Variants in GOLT1B observed in about 807,000 individuals in gnomAD.
GOLT1B encodes the protein golgi transport 1B.
Under a neutral mutation model 15.4 loss-of-function variants are expected in GOLT1B, and 3 were observed. The observed-to-expected ratio is 0.19, with a 90% CI of 0.09 to 0.50. The LOEUF (loss-of-function observed/expected upper bound fraction) is 0.50. Among genes scored for constraint, GOLT1B ranks in the 20% least tolerant of loss-of-function variants. GOLT1B has a pLI of 0.97. For synonymous variants in GOLT1B, 65 were observed against 56.2 expected, an observed-to-expected ratio of 1.16 and a Z score of -0.70; for missense variants, 145 against 160.4, an observed-to-expected ratio of 0.90 and a Z score of 0.52.
chr12:21,502,476 A>G (rs1376463126), intron 1 of GOLT1B, among the ~76,000 whole-genome samples: 1 of 152,226 alleles, frequency 6.6e-6, no homozygotes, highest in Non-Finnish European at 1.5e-5. Context: ...TTTTGCCAGT[A>G]CTGTAAGCAA....
Position 21,501,858 on chromosome 12 carries a change from T to A in GOLT1B, c.-66T>A. ...CTGGGCTGTTTCCCGGCTTCATTTC[T>A]CCCGACTCAGCTTCCCACCCTGGGC... On this transcript the variant is annotated 5_prime_UTR_variant, in exon 1 of 5. Transcript: ENST00000229314. 8.6e-7 allele frequency: 1 copy of A among 1,158,866 alleles called. No individual in the cohort carries two copies. The highest frequency in any genetic ancestry group is 1.3e-6 in the Non-Finnish European group (1 of 769,328). The allele number at this position is 1,158,866 out of a possible 1,614,324, so 71.8% of individuals were successfully genotyped here.
chr12:21,503,426 G>A (rs1016154103), intron 1 of GOLT1B, among the ~76,000 whole-genome samples: 29 of 152,190 alleles, frequency 1.9e-4, no homozygotes, highest in Non-Finnish European at 4.0e-4. Flanking sequence ...TATCACCTAA[G>A]AAGACTTGAT....
At position 21,507,575 on chromosome 12, in the gene GOLT1B, G is replaced by A. The variant is rs1943688684; in HGVS notation, c.117+599G>A. Among the ~76,000 whole-genome samples, 3 of 151,590 alleles carry A rather than the reference G, an allele frequency of 2.0e-5. No individual in the cohort carries two copies. The South Asian group carries it at 6.2e-4, about 32-fold the overall frequency. ...ACATATATATTTGGGCTTTTAACTG[G>A]AAATGGGAAAAGATAAAGAATAGCA... On this transcript the variant is annotated intron_variant, in intron 2 of 4. Coordinates refer to ENST00000229314, the MANE Select transcript of GOLT1B (RefSeq NM_016072.5).
chr12:21,514,301 C>T (rs1238048652), intron 4 of GOLT1B, among the ~76,000 whole-genome samples: 1 of 152,144 alleles, frequency 6.6e-6, no homozygotes, highest in Non-Finnish European at 1.5e-5. Flanking sequence ...TAAAGTTGTT[C>T]ACAGATTTTT....
At chr12:21,515,273 C>G in intron 4 of GOLT1B, 1 of 1,412,630 alleles carries the variant, frequency 7.1e-7, no homozygotes, top group Admixed American at 2.0e-5. Flanking sequence ...CAGTAATGGT[C>G]AGTTGAAATA....
At chr12:21,515,028 G>A (rs1476809327) in intron 4 of GOLT1B, among the ~76,000 whole-genome samples, 1 of 150,684 alleles carries the variant, frequency 6.6e-6, no homozygotes. Context: ...TTTATGTTTG[G>A]GGTGGAGTAA....
chr12:21,514,536 T>C (rs554007262), intron 4 of GOLT1B, among the ~76,000 whole-genome samples: 1 of 152,298 alleles, frequency 6.6e-6, no homozygotes, highest in East Asian at 1.9e-4. Flanking sequence ...ACCTTAAAAT[T>C]CTAATAAATC....
At chr12:21,509,599 A>G (rs1423510144) in intron 3 of GOLT1B, among the ~76,000 whole-genome samples, 1 of 152,184 alleles carries the variant, frequency 6.6e-6, no homozygotes, top group Admixed American at 6.5e-5. Context: ...TAGACTCTAA[A>G]AATACCAATA....
At chr12:21,506,857 A>G (rs1375921397) in intron 1 of GOLT1B, 28 bp from the exon 2 acceptor site, 3 of 944,474 alleles carry the variant, frequency 3.2e-6, no homozygotes, top group East Asian at 4.9e-5. Context: ...ATTTTTCTCT[A>G]CCCTTAACCA....
Position 21,512,283 on chromosome 12 carries a change from T to C in GOLT1B, c.297-12T>C, listed in dbSNP as rs753933913. On this transcript the variant is annotated splice_polypyrimidine_tract_variant and intron_variant, in intron 3 of 4. Transcript: ENST00000229314. Reference sequence around the variant, plus strand: ...GTGTAAATATTAAGAACCTTTTTTTTCCCTCTCCCAGGGGCTTCTTTCCTG... The same window carrying C: ...GTGTAAATATTAAGAACCTTTTTTTCCCCTCTCCCAGGGGCTTCTTTCCTG... The C allele has an allele frequency of 2.8e-5, 39 of 1,388,208 alleles. No individual in the cohort carries two copies. The highest frequency in any genetic ancestry group is 1.8e-4 in the Middle Eastern group (1 of 5,588). 86.0% of individuals were successfully genotyped at this position (1,388,208 alleles called of 1,614,324 possible). A position where few individuals can be genotyped will look rare whatever the true frequency, so the allele number is the denominator to read the frequency against.
Position 21,506,993 on chromosome 12 carries a change from A to G in GOLT1B, c.117+17A>G, listed in dbSNP as rs781769142. The G allele has an allele frequency of 3.1e-6, 3 of 958,562 alleles. No individual in the cohort carries two copies. Among genetic ancestry groups the G allele is most frequent in the Non-Finnish European group, 5.0e-6 (3 of 602,190 alleles). The allele number at this position is 958,562 out of a possible 1,614,324, so 59.4% of individuals were successfully genotyped here. On this transcript the variant is annotated intron_variant, in intron 2 of 4. Transcript: ENST00000229314. Reference sequence around the variant, plus strand: ...ATTGGAAATGTGAGTTTTTAAATATATATTTTAACTAAATTTATAAGGAAA... The same window carrying G: ...ATTGGAAATGTGAGTTTTTAAATATGTATTTTAACTAAATTTATAAGGAAA...
Position 21,510,041 on chromosome 12 carries a change from G to C in GOLT1B, c.296+1480G>C, listed in dbSNP as rs570028267. On this transcript the variant is annotated intron_variant, in intron 3 of 4. Transcript: ENST00000229314. The stretch of plus-strand genomic sequence containing the variant: ...TTTTTAAGCCAGAGGTGGTACAACA[G>C]GGTAGATGTTTTAGGAAGGTTGTTC... 1.4e-4 allele frequency among the ~76,000 whole-genome samples: 22 copies of C among 152,304 alleles called. No individual in the cohort carries two copies. The East Asian group carries it at 4.2e-3, about 29-fold the overall frequency.
At chr12:21,502,037 A>G in intron 1 of GOLT1B, 89 bp downstream of exon 1, 2 of 940,018 alleles carry the variant, frequency 2.1e-6, no homozygotes, top group Non-Finnish European at 1.7e-6. Flanking sequence ...CAATGAATGA[A>G]GCTCTGGGTT....
At chr12:21,508,292 T>C (rs1195641255) in intron 2 of GOLT1B, 91 bp from the exon 3 acceptor site, 2 of 790,114 alleles carry the variant, frequency 2.5e-6, no homozygotes, top group East Asian at 5.4e-5. Context: ...CAAATGTGCT[T>C]CTTTTTTTAT....
At position 21,506,765 on chromosome 12, in the gene GOLT1B, A is replaced by G. The variant is rs1943681316; in HGVS notation, c.26-120A>G. On this transcript the variant is annotated intron_variant, in intron 1 of 4. Transcript: ENST00000229314. The stretch of plus-strand genomic sequence containing the variant: ...AATGTCATTATGAAGTTAACCTGCA[A>G]TGTTGGGTACCTGTTTTCTTATACC... The G allele has an allele frequency of 7.9e-6, 4 of 509,486 alleles. No homozygotes were observed. The South Asian group carries it at 1.1e-4, about 14-fold the overall frequency. The allele number at this position is 509,486 out of a possible 1,614,324, so 31.6% of individuals were successfully genotyped here. A position where few individuals can be genotyped will look rare whatever the true frequency, so the allele number is the denominator to read the frequency against.
chr12:21,512,432 T>C (rs1943726953), intron 4 of GOLT1B, 56 bp downstream of exon 4: 6 of 842,368 alleles, frequency 7.1e-6, no homozygotes, highest in South Asian at 2.8e-5. Context: ...TGCTTTTTAC[T>C]TCTAGAAATT....
At chr12:21,505,077 A>G (rs886064446) in intron 1 of GOLT1B, among the ~76,000 whole-genome samples, 4 of 152,176 alleles carry the variant, frequency 2.6e-5, no homozygotes, top group East Asian at 3.9e-4. Flanking sequence ...CTAAACTTCA[A>G]TTTCCTCCAT....
intron 2 of GOLT1B, chr12:21,507,994 G>C (rs781458570): frequency 4.4e-6 from 2 of 450,658 alleles, no homozygotes; most frequent in South Asian, 3.2e-5. Context: ...GAATACCCTT[G>C]GGTGACATAT....
chr12:21,517,208 A>G lies in GOLT1B; in HGVS notation c.*1501A>G, dbSNP rs148759998. 51 of 152,546 alleles carry G rather than the reference A, an allele frequency of 3.3e-4. No homozygotes were observed. Among genetic ancestry groups the G allele is most frequent in the African/African-American group, 1.1e-3 (47 of 41,554 alleles). 9.4% of individuals were successfully genotyped at this position (152,546 alleles called of 1,614,324 possible). On this transcript the variant is annotated 3_prime_UTR_variant, in exon 5 of 5. Transcript: ENST00000229314. ...TCTCTTAATACACAGAGAACTCCCA[A>G]TCTTGCTCATCTAAATAAGGAAAGA...
Sources: allele counts gnomAD v4.1 joint callset (sites outside exome capture counted in the v4.1 genomes callset), GRCh38; gene constraint gnomAD v4.1.1; transcripts MANE v1.5; gene names NCBI Gene and HGNC (gene_info 2026-07-23, HGNC 2026-07-21).